The following NLGN1 variants were observed in gnomAD, a reference collection of about 807,000 sequenced individuals.
NLGN1 encodes neuroligin 1, also known as neuroligin-1.
Under a neutral mutation model 65.5 loss-of-function variants are expected in NLGN1, and 12 were observed. The ratio of observed to expected loss-of-function variants is 0.18; its 90% confidence interval spans 0.12 to 0.30. The LOEUF (loss-of-function observed/expected upper bound fraction) is 0.30. Ranked by LOEUF, NLGN1 falls within the 10% of genes least tolerant of loss-of-function variation. The probability of loss-of-function intolerance (pLI) is 1.00; values close to 1 mark genes in which losing one functional copy is unlikely to be tolerated. For synonymous variants in NLGN1, 350 were observed against 359.5 expected (o/e 0.97, Z 0.30); for missense variants, 750 against 1,007.1 (o/e 0.74, Z 3.46).
chr3:173,728,204 G>A (rs1479838723), intron 3 of NLGN1, among the ~76,000 whole-genome samples: 2 of 151,990 alleles, frequency 1.3e-5, no homozygotes, highest in African/African-American at 2.4e-5. Context: ...ATGTGTAGTA[G>A]AGAAAAATGA....
At chr3:173,943,663 G>GCC (rs1746567701) in intron 4 of NLGN1, among the ~76,000 whole-genome samples, 1 of 152,142 alleles carries the variant, frequency 6.6e-6, no homozygotes. Flanking sequence ...CGTGGGAGGA[G>GCC]GGGTAGGTCT....
intron 4 of NLGN1, among the ~76,000 whole-genome samples, chr3:174,155,124 T>TA (rs1311262801): frequency 2.0e-5 from 3 of 149,262 alleles, no homozygotes; most frequent in African/African-American, 7.4e-5. Context: ...ATGCTTTTGT[T>TA]ACACAGTTGA....
chr3:173,859,513 A>G (rs994311795), intron 4 of NLGN1, among the ~76,000 whole-genome samples: 5 of 152,214 alleles, frequency 3.3e-5, no homozygotes, highest in Non-Finnish European at 5.9e-5. Context: ...TAAGGGCCCT[A>G]TTTCACTCTT....
At chr3:174,170,759 A>C (rs556770725) in intron 4 of NLGN1, among the ~76,000 whole-genome samples, 1 of 152,318 alleles carries the variant, frequency 6.6e-6, no homozygotes, top group South Asian at 2.1e-4. Flanking sequence ...AGAGATTTTT[A>C]GATCATCTGA....
chr3:173,936,470 G>C (rs1745094392), intron 4 of NLGN1, among the ~76,000 whole-genome samples: 1 of 152,056 alleles, frequency 6.6e-6, no homozygotes, highest in South Asian at 2.1e-4. Context: ...CATCTAAGCA[G>C]TGTGACACCA....
At position 173,533,158 on chromosome 3, in the gene NLGN1, G is replaced by A. The variant is rs115090674; in HGVS notation, c.-320-71121G>A. Among the ~76,000 whole-genome samples the A allele has an allele frequency of 6.7e-3, 1,019 of 152,176 alleles. 18 individuals carry two copies. The highest frequency in any genetic ancestry group is 0.023 in the African/African-American group (963 of 41,504). ...TTAGAACAACCTTACATTATTTTCA[G>A]TTTCTGATTAGAGCTTAGTTATTAT... On this transcript the variant is annotated intron_variant, in intron 2 of 6. Coordinates refer to ENST00000457714, the Ensembl canonical transcript of NLGN1.
At chr3:173,541,100 G>A (rs1267951449) in intron 2 of NLGN1, among the ~76,000 whole-genome samples, 1 of 152,086 alleles carries the variant, frequency 6.6e-6, no homozygotes, top group African/African-American at 2.4e-5. Context: ...AACACTCTAG[G>A]AAACAGTATA....
At chr3:173,624,790 C>T (rs1754568827) in intron 3 of NLGN1, among the ~76,000 whole-genome samples, 1 of 151,606 alleles carries the variant, frequency 6.6e-6, no homozygotes, top group Admixed American at 6.6e-5. Flanking sequence ...ATTACCCAGA[C>T]TAATTTATAG....
At position 173,460,252 on chromosome 3, in the gene NLGN1, C is replaced by A. The variant is rs533774035; in HGVS notation, c.-321+25174C>A. On this transcript the variant is annotated intron_variant, in intron 2 of 6. Transcript: ENST00000457714. ...TATTTATGAAATACTCATAAGATAG[C>A]TAGACCAATAAATAATATTAAATTA... 3.4e-4 allele frequency among the ~76,000 whole-genome samples: 52 copies of A among 151,968 alleles called. 1 individual carries two copies. Among genetic ancestry groups the A allele is most frequent in the Non-Finnish European group, 6.9e-4 (47 of 67,996 alleles).
chr3:173,541,826 C>T (rs1392210696), intron 2 of NLGN1, among the ~76,000 whole-genome samples: 1 of 152,014 alleles, frequency 6.6e-6, no homozygotes, highest in Admixed American at 6.6e-5. Context: ...CTATTTGTTT[C>T]TCTTTAAAAA....
intron 3 of NLGN1, among the ~76,000 whole-genome samples, chr3:173,777,623 GTCTGTCTGTCTA>G (rs1185262863): frequency 6.9e-4 from 8 of 11,546 alleles, no homozygotes; most frequent in African/African-American, 1.1e-3. Context: ...CTGTCTGTCT[GTCTGTCTGTCTA>G]TCTATCTATC....
chr3:173,496,429 A>T (rs1730039306), intron 2 of NLGN1, among the ~76,000 whole-genome samples: 1 of 151,942 alleles, frequency 6.6e-6, no homozygotes, highest in Non-Finnish European at 1.5e-5. Context: ...TTTATCAAGA[A>T]GGCAGATTAT....
chr3:174,263,636 C>T (rs965193065), intron 4 of NLGN1, among the ~76,000 whole-genome samples: 8 of 151,926 alleles, frequency 5.3e-5, no homozygotes, highest in South Asian at 2.1e-4. Context: ...ACTCTTTATC[C>T]AATTTGCCAG....
chr3:174,259,046 ATT>A (rs1746338091), intron 4 of NLGN1, among the ~76,000 whole-genome samples: 2 of 152,288 alleles, frequency 1.3e-5, no homozygotes, highest in South Asian at 4.1e-4. Flanking sequence ...AGATTATAAT[ATT>A]ATCAGCATGT....
At chr3:174,217,968 A>G (rs1000227514) in intron 4 of NLGN1, among the ~76,000 whole-genome samples, 5 of 152,096 alleles carry the variant, frequency 3.3e-5, no homozygotes, top group Non-Finnish European at 5.9e-5. Context: ...AATGAACTTT[A>G]GAAGTAGAGT....
chr3:174,148,530 T>C (rs1723760347), intron 4 of NLGN1, among the ~76,000 whole-genome samples: 1 of 152,182 alleles, frequency 6.6e-6, no homozygotes, highest in African/African-American at 2.4e-5. Context: ...AAATCTGTTT[T>C]CAGTAACATA....
chr3:173,680,577 T>A (rs1187107525), intron 3 of NLGN1, among the ~76,000 whole-genome samples: 1 of 152,158 alleles, frequency 6.6e-6, no homozygotes, highest in East Asian at 1.9e-4. Flanking sequence ...CAGTTTAAAT[T>A]TTAATTCTCT....
At chr3:173,849,389 C>T (rs1277806873) in intron 4 of NLGN1, among the ~76,000 whole-genome samples, 1 of 152,062 alleles carries the variant, frequency 6.6e-6, no homozygotes, top group African/African-American at 2.4e-5. Flanking sequence ...AACCAGGCTT[C>T]CATGTGTGTC....
Position 173,528,745 on chromosome 3 carries a change from C to G in NLGN1, c.-320-75534C>G, listed in dbSNP as rs971669174. ...TGGTCTAGTCTACTCTTAAAGCTTT[C>G]AACTGTATTTTGAACTCATTTAAGT... On this transcript the variant is annotated intron_variant, in intron 2 of 6. Transcript: ENST00000457714. Among the ~76,000 whole-genome samples, 5 of 152,258 alleles carry G rather than the reference C, an allele frequency of 3.3e-5. No homozygotes were observed. In the East Asian group the frequency reaches 9.7e-4, roughly 29 times the overall value.
Sources: allele counts gnomAD v4.1 joint callset (sites outside exome capture counted in the v4.1 genomes callset), GRCh38; gene constraint gnomAD v4.1.1; transcripts MANE v1.5; gene names NCBI Gene and HGNC (gene_info 2026-07-23, HGNC 2026-07-21).